The following IGF1R variants were observed in gnomAD, a reference collection of about 807,000 sequenced individuals.
IGF1R encodes the protein insulin like growth factor 1 receptor.
A neutral mutation model predicts 144.6 loss-of-function variants in IGF1R; 44 were observed. The observed-to-expected ratio is 0.30, with a 90% CI of 0.24 to 0.39. The LOEUF (loss-of-function observed/expected upper bound fraction) is 0.39, where lower values mean the gene tolerates loss of function less well. IGF1R is among the 10% of genes least tolerant of loss of function. The pLI, the probability that IGF1R is intolerant of heterozygous loss-of-function variation, is 1.00. For synonymous variants in IGF1R, 795 were observed against 722.8 expected, an observed-to-expected ratio of 1.10 and a Z score of -1.60; for missense variants, 1,355 against 1,833.7, an observed-to-expected ratio of 0.74 and a Z score of 4.77.
intron 15 of IGF1R, among the ~76,000 whole-genome samples, chr15:98,931,032 C>A (rs898793271): frequency 6.6e-5 from 10 of 152,182 alleles, no homozygotes; most frequent in African/African-American, 2.4e-4. Context: ...CAAACACCAT[C>A]CCATTTGTTT....
chr15:98,883,340 G>A (rs1457898741), intron 2 of IGF1R, among the ~76,000 whole-genome samples: 1 of 152,172 alleles, frequency 6.6e-6, no homozygotes, highest in Non-Finnish European at 1.5e-5. Context: ...ATGACCAGAA[G>A]CTTGACAGAA....
At chr15:98,749,058 G>A (rs760597325) in intron 2 of IGF1R, among the ~76,000 whole-genome samples, 3 of 152,052 alleles carry the variant, frequency 2.0e-5, no homozygotes, top group East Asian at 1.9e-4. Flanking sequence ...TCAATTGCCC[G>A]TTATTCAAGT....
intron 2 of IGF1R, among the ~76,000 whole-genome samples, chr15:98,799,645 G>A (rs2056319707): frequency 6.6e-6 from 1 of 152,196 alleles, no homozygotes; most frequent in Non-Finnish European, 1.5e-5. Context: ...CGGCATGGGG[G>A]ACCGAGTGTG....
chr15:98,664,388 A>G lies in IGF1R; in HGVS notation c.94+14713A>G, dbSNP rs1356087071. ...GAAGATAATGCCACCCATCAGGCCG[A>G]GTGCGGTGGCTCATGCCTGTAATCC... is the stretch of plus-strand genomic sequence containing the variant. On this transcript the variant is annotated intron_variant, in intron 1 of 20. Coordinates refer to ENST00000650285, the MANE Select transcript of IGF1R (RefSeq NM_000875.5). Among the ~76,000 whole-genome samples the G allele has an allele frequency of 9.2e-5, 14 of 152,174 alleles. 1 individual carries two copies. In the East Asian group the frequency reaches 2.7e-3, roughly 29 times the overall value.
chr15:98,705,542 G>A (rs924394185), intron 1 of IGF1R, among the ~76,000 whole-genome samples: 1 of 152,158 alleles, frequency 6.6e-6, no homozygotes, highest in Non-Finnish European at 1.5e-5. Context: ...TGTCTTAGGG[G>A]TGTCATTTTC....
rs1455945564 is a variant in IGF1R, at chr15:98,896,920, C to T, written c.1102+15C>T. On this transcript the variant is annotated intron_variant, in intron 4 of 20. Transcript: ENST00000650285. The stretch of plus-strand genomic sequence containing the variant: ...CCGACGGGGGAGTAAGTATTCCATC[C>T]CCCTGGAAAAACGGCTAGATCTCAT... 1.9e-6 allele frequency: 3 copies of T among 1,613,446 alleles called. No homozygotes were observed. In the South Asian group the frequency reaches 3.3e-5, roughly 18 times the overall value.
chr15:98,728,014 T>TTG (rs1453561075), intron 2 of IGF1R, among the ~76,000 whole-genome samples: 14 of 148,808 alleles, frequency 9.4e-5, no homozygotes, highest in African/African-American at 2.7e-4. Context: ...ATTGTTTTTT[T>TTG]TTTTTTTTTT....
chr15:98,908,390 T>G (rs548812010), intron 5 of IGF1R, among the ~76,000 whole-genome samples: 63 of 152,338 alleles, frequency 4.1e-4, no homozygotes, highest in African/African-American at 1.4e-3. Flanking sequence ...CAAAGGCATT[T>G]CTTGGGAATG....
intron 3 of IGF1R, among the ~76,000 whole-genome samples, chr15:98,894,152 G>A (rs1395857203): frequency 2.0e-5 from 3 of 151,862 alleles, no homozygotes; most frequent in Non-Finnish European, 4.4e-5. Flanking sequence ...ATAGCTCACT[G>A]CAGCCTCAAA....
intron 2 of IGF1R, among the ~76,000 whole-genome samples, chr15:98,733,618 C>A (rs2054546382): frequency 6.6e-6 from 1 of 152,060 alleles, no homozygotes; most frequent in African/African-American, 2.4e-5. Context: ...GAGTGAAGAG[C>A]CCTCCAAAAT....
chr15:98,811,486 C>T (rs1320271109), intron 2 of IGF1R, among the ~76,000 whole-genome samples: 15 of 148,850 alleles, frequency 1.0e-4, no homozygotes, highest in African/African-American at 1.7e-4. Context: ...GCCGAGATCA[C>T]GCCACTGCAC....
Position 98,911,414 on chromosome 15 carries a change from T to C in IGF1R, c.1562T>C (p.Ile521Thr). The change falls in exon 7 of 21, where the codon ATC becomes ACC. Residue 521 changes from isoleucine to threonine, a missense_variant. By Grantham distance (89) the Ile-to-Thr change is moderately conservative (BLOSUM62 -1). This residue lies in a region of IGF1R where 880 missense variants were observed against 1,202.7 expected (regional missense o/e 0.73). Transcript: ENST00000650285. ...CGGCCCCCTGACTACAGGGATCTCA[T>C]CAGCTTCACCGTTTACTACAAGGAA... ...RYRPPDYRDL[I>T]SFTVYYKEAP... The C allele has an allele frequency of 6.2e-7, 1 of 1,614,218 alleles. No homozygotes were observed. Among genetic ancestry groups the C allele is most frequent in the Non-Finnish European group, 8.5e-7 (1 of 1,180,038 alleles).
rs534268943 is a variant in IGF1R at position 98,763,917 on chromosome 15, G to A, written c.640+55810G>A. Among the ~76,000 whole-genome samples, 251 of 152,278 alleles carry A rather than the reference G, an allele frequency of 1.6e-3. 1 individual carries two copies. Among genetic ancestry groups the A allele is most frequent in the Non-Finnish European group, 3.0e-3 (204 of 68,006 alleles). ...GTGGCTTTCAGTGGCCATGTACTTTGCTTCTAGAGCTTTCTTTCCCATTCT... is the reference window on the plus strand; with the variant it reads ...GTGGCTTTCAGTGGCCATGTACTTTACTTCTAGAGCTTTCTTTCCCATTCT... On this transcript the variant is annotated intron_variant, in intron 2 of 20. Coordinates refer to ENST00000650285, the MANE Select transcript of IGF1R (RefSeq NM_000875.5).
intron 2 of IGF1R, among the ~76,000 whole-genome samples, chr15:98,795,311 T>C (rs1287037258): frequency 6.6e-6 from 1 of 152,256 alleles, no homozygotes; most frequent in Non-Finnish European, 1.5e-5. Context: ...CATGTATTTT[T>C]TTGGTCTTAA....
intron 6 of IGF1R, 149 bp from the exon 7 acceptor site, chr15:98,911,166 T>C: frequency 2.4e-6 from 2 of 843,724 alleles, no homozygotes. Context: ...GATTTCTTAG[T>C]GGAAAACGAG....
intron 2 of IGF1R, among the ~76,000 whole-genome samples, chr15:98,882,674 A>T (rs1182153130): frequency 6.6e-6 from 1 of 152,170 alleles, no homozygotes; most frequent in Non-Finnish European, 1.5e-5. Flanking sequence ...GTGAATAGGG[A>T]CAGTGATGAG....
chr15:98,745,862 G>A (rs1021187078), intron 2 of IGF1R, among the ~76,000 whole-genome samples: 4 of 152,190 alleles, frequency 2.6e-5, no homozygotes, highest in African/African-American at 4.8e-5. Flanking sequence ...TTATAAATGC[G>A]TGTTACCTTT....
At chr15:98,919,722 G>T (rs144344677) in intron 10 of IGF1R, among the ~76,000 whole-genome samples, 1 of 152,152 alleles carries the variant, frequency 6.6e-6, no homozygotes, top group East Asian at 1.9e-4. Flanking sequence ...TTTTGTCCGT[G>T]GTGAGAGGCC....
At chr15:98,864,807 A>G (rs2012341111) in intron 2 of IGF1R, among the ~76,000 whole-genome samples, 3 of 152,248 alleles carry the variant, frequency 2.0e-5, no homozygotes, top group Non-Finnish European at 1.5e-5. Flanking sequence ...CCTCAAGTGT[A>G]ACATTTTATC....
Sources: allele counts gnomAD v4.1 joint callset (sites outside exome capture counted in the v4.1 genomes callset), GRCh38; gene constraint gnomAD v4.1.1; regional missense constraint gnomAD v4.1.1; transcripts MANE v1.5; gene names NCBI Gene and HGNC (gene_info 2026-07-23, HGNC 2026-07-21).